ADCYAP1R1: variants seen among roughly 807,000 people sequenced by gnomAD.
ADCYAP1R1 encodes the protein ADCYAP receptor type I, also known as pituitary adenylate cyclase-activating polypeptide type I receptor.
Under a neutral mutation model 67.6 loss-of-function variants are expected in ADCYAP1R1, and 44 were observed. The ratio of observed to expected loss-of-function variants is 0.65; its 90% CI spans 0.51 to 0.84. ADCYAP1R1 has a LOEUF of 0.84. ADCYAP1R1 is among the 40% of genes least tolerant of loss of function. ADCYAP1R1 has a pLI of 0.00. For synonymous variants in ADCYAP1R1, 222 were observed against 219.6 expected (o/e 1.01, Z -0.10); for missense variants, 477 against 587.9 (o/e 0.81, Z 1.95).
rs1796826702 is a variant in ADCYAP1R1, at chr7:31,110,623, A to G, written c.*3939A>G. Reference sequence around the variant, plus strand: ...ATGCAGTACGCATGTAACCTTGCACAGGAGTGGGGCTCTGGTGACCGAAGG... The same window carrying G: ...ATGCAGTACGCATGTAACCTTGCACGGGAGTGGGGCTCTGGTGACCGAAGG... On this transcript the variant is annotated 3_prime_UTR_variant, in exon 16 of 16. Transcript: ENST00000304166. The G allele has an allele frequency of 6.5e-6, 1 of 152,776 alleles. No homozygotes were observed. Among genetic ancestry groups the G allele is most frequent in the Non-Finnish European group, 1.5e-5 (1 of 68,066 alleles). 9.5% of individuals were successfully genotyped at this position (152,776 alleles called of 1,614,324 possible). A position where few individuals can be genotyped will look rare whatever the true frequency, so the allele number is the denominator to read the frequency against.
chr7:31,071,373 C>T (rs1794971846), intron 3 of ADCYAP1R1, among the ~76,000 whole-genome samples: 1 of 152,204 alleles, frequency 6.6e-6, no homozygotes, highest in Non-Finnish European at 1.5e-5. Context: ...CCCCGACCCA[C>T]CCCTGGGCCT....
chr7:31,064,237 C>T (rs1451736902), intron 2 of ADCYAP1R1, among the ~76,000 whole-genome samples: 4 of 152,186 alleles, frequency 2.6e-5, no homozygotes, highest in African/African-American at 9.7e-5. Context: ...CTGCCGGGGG[C>T]ACTTTTTTCC....
chr7:31,085,522 A>T (rs1340025608), intron 9 of ADCYAP1R1, 80 bp downstream of exon 9: 1 of 1,472,902 alleles, frequency 6.8e-7, no homozygotes, highest in Non-Finnish European at 9.2e-7. Flanking sequence ...GACGCACATT[A>T]CCTGCCTGAC....
rs915478358 is a variant in ADCYAP1R1 at position 31,108,744 on chromosome 7, ATATGTGTGTG to A, written c.*2062_*2071del. The A allele has an allele frequency of 8.5e-6, 1 of 117,232 alleles. No individual in the cohort carries two copies. Among genetic ancestry groups the A allele is most frequent in the African/African-American group, 4.1e-5 (1 of 24,538 alleles). 7.3% of individuals were successfully genotyped at this position (117,232 alleles called of 1,614,324 possible). ...TGCCTCATATCAGGTTTTGATGAAT[ATATGTGTGTG>A]TGTGTGTGTGTGTGTGTGTGTGTGT... On this transcript the variant is annotated 3_prime_UTR_variant, in exon 16 of 16. Transcript: ENST00000304166.
At chr7:31,063,454 A>T in intron 2 of ADCYAP1R1, 139 bp downstream of exon 2, 1 of 869,224 alleles carries the variant, frequency 1.2e-6, no homozygotes, top group South Asian at 1.5e-5. Flanking sequence ...TGGGCCACCC[A>T]GTGCCTTTGT....
intron 3 of ADCYAP1R1, among the ~76,000 whole-genome samples, chr7:31,075,541 A>C (rs1025863820): frequency 2.0e-5 from 3 of 151,814 alleles, no homozygotes; most frequent in African/African-American, 7.3e-5. Flanking sequence ...CTCCATAAAT[A>C]TGGGTTCTCC....
chr7:31,083,927 T>G (rs1470778454), intron 6 of ADCYAP1R1, among the ~76,000 whole-genome samples: 1 of 152,218 alleles, frequency 6.6e-6, no homozygotes. Context: ...TGGATTCAGC[T>G]GGCGCAGTCT....
At chr7:31,101,869 C>A (rs1328542290) in intron 13 of ADCYAP1R1, among the ~76,000 whole-genome samples, 1 of 152,192 alleles carries the variant, frequency 6.6e-6, no homozygotes, top group African/African-American at 2.4e-5. Context: ...TAGCAGGAAC[C>A]TGCTCGGATC....
At chr7:31,099,746 G>A (rs912896937) in intron 13 of ADCYAP1R1, among the ~76,000 whole-genome samples, 11 of 152,236 alleles carry the variant, frequency 7.2e-5, no homozygotes, top group African/African-American at 1.2e-4. Context: ...CTCTCATCTT[G>A]TTGAGTGGGA....
Position 31,086,404 on chromosome 7 carries a change from G to C in ADCYAP1R1, c.690G>C (p.Met230Ile), listed in dbSNP as rs1430003944. Residue 230 changes from methionine to isoleucine, a missense_variant, in exon 10 of 16, where the codon ATG (methionine) becomes ATC (isoleucine). Met to Ile is a conservative substitution (Grantham distance 10, BLOSUM62 1). Transcript: ENST00000304166. This position sits in a 1 kb window ranked among gnomAD's most constrained non-coding sequence, Gnocchi z 5.0. ...TGCAGGTGGAATGTAAGGCCGTCAT[G>C]GTTTTCTTCCACTACTGTGTTGTGT... Reference protein sequence around the residue: ...FISTVECKAVMVFFHYCVVSN... With the variant: ...FISTVECKAVIVFFHYCVVSN... 6 of 1,614,168 alleles carry C rather than the reference G, an allele frequency of 3.7e-6. No individual in the cohort carries two copies. The South Asian group carries it at 6.6e-5, about 18-fold the overall frequency.
rs1031077007 is a variant in ADCYAP1R1, at chr7:31,107,675, A to G, written c.*991A>G. The stretch of plus-strand genomic sequence containing the variant: ...AGGATGTACCAGCCACCTGCCTCTG[A>G]TGTCGGCGAATCCTGAAGCACCTGC... On this transcript the variant is annotated 3_prime_UTR_variant, in exon 16 of 16. Coordinates refer to ENST00000304166, the MANE Select transcript of ADCYAP1R1 (RefSeq NM_001118.5). 3 of 152,146 alleles carry G rather than the reference A, an allele frequency of 2.0e-5. No homozygotes were observed. The highest frequency in any genetic ancestry group is 7.3e-5 in the African/African-American group (3 of 41,350). The allele number at this position is 152,146 out of a possible 1,614,324, so 9.4% of individuals were successfully genotyped here.
Position 31,083,017 on chromosome 7 carries a change from T to C in ADCYAP1R1, c.329-1124T>C, listed in dbSNP as rs191653726. 1.8e-4 allele frequency among the ~76,000 whole-genome samples: 27 copies of C among 152,396 alleles called. No individual in the cohort carries two copies. In the East Asian group the frequency reaches 5.0e-3, roughly 28 times the overall value. The stretch of plus-strand genomic sequence containing the variant: ...CCTGCTGCCCTCCTTGCCTCTTTCC[T>C]GAGCTCCCTGGAGGTGGCCTTGGCC... On this transcript the variant is annotated intron_variant, in intron 6 of 15. Coordinates refer to ENST00000304166, the MANE Select transcript of ADCYAP1R1 (RefSeq NM_001118.5).
At chr7:31,094,922 C>T (rs573364816) in intron 13 of ADCYAP1R1, among the ~76,000 whole-genome samples, 1 of 151,744 alleles carries the variant, frequency 6.6e-6, no homozygotes, top group South Asian at 2.1e-4. Context: ...GAAAGTCAAA[C>T]CTCTGCTAGT....
chr7:31,086,616 A>G lies in ADCYAP1R1; in HGVS notation c.823+79A>G. 6.5e-7 allele frequency: 1 copy of G among 1,550,214 alleles called. No individual in the cohort carries two copies. Among genetic ancestry groups the G allele is most frequent in the Non-Finnish European group, 8.8e-7 (1 of 1,134,788 alleles). On this transcript the variant is annotated intron_variant, in intron 10 of 15. Coordinates refer to ENST00000304166, the MANE Select transcript of ADCYAP1R1 (RefSeq NM_001118.5). This position sits in a 1 kb window ranked among gnomAD's most constrained non-coding sequence, Gnocchi z 5.0. ...CAGGTGTGTCTTTGGTTCCATCTTC[A>G]GGAAGTGTCAGGTGAGGAGGGGCCA...
chr7:31,063,272 G>C lies in ADCYAP1R1; in HGVS notation c.8G>C (p.Gly3Ala), dbSNP rs760549761. Residue 3 changes from glycine (G) to alanine (A), a missense_variant, in exon 2 of 16, where the codon GGT (glycine) becomes GCT (alanine). Coordinates refer to ENST00000304166, the MANE Select transcript of ADCYAP1R1 (RefSeq NM_001118.5). ...TGCTGGCCAAGAAGTGTCATGGCTG[G>C]TGTCGTGCACGTTTCCCTGGCTGCT... MAGVVHVSLAALL... is the reference protein window; with the variant it reads MAAVVHVSLAALL... 2 of 1,614,212 alleles carry C rather than the reference G, an allele frequency of 1.2e-6. No individual in the cohort carries two copies. Among genetic ancestry groups the C allele is most frequent in the Non-Finnish European group, 1.7e-6 (2 of 1,180,026 alleles).
chr7:31,067,328 G>A (rs1431099701), intron 3 of ADCYAP1R1, among the ~76,000 whole-genome samples: 1 of 152,188 alleles, frequency 6.6e-6, no homozygotes, highest in African/African-American at 2.4e-5. Context: ...CAGCCATTAG[G>A]TGGGAAAGAG....
chr7:31,088,768 C>T (rs973072586), intron 12 of ADCYAP1R1, among the ~76,000 whole-genome samples: 1 of 152,138 alleles, frequency 6.6e-6, no homozygotes, highest in African/African-American at 2.4e-5. Flanking sequence ...TTACTGTAAC[C>T]TTGTAGCATG....
chr7:31,079,973 A>G (rs916452740), intron 4 of ADCYAP1R1, among the ~76,000 whole-genome samples: 1 of 152,218 alleles, frequency 6.6e-6, no homozygotes, highest in African/African-American at 2.4e-5. Context: ...GTAGAAGCCA[A>G]CTTAATCACT....
intron 3 of ADCYAP1R1, among the ~76,000 whole-genome samples, chr7:31,067,247 C>T (rs1176570727): frequency 2.0e-5 from 3 of 152,184 alleles, no homozygotes; most frequent in Non-Finnish European, 2.9e-5. Flanking sequence ...TATCCCTACT[C>T]GTCCCCTCCC....
Sources: gnomAD v4.1 joint callset for allele counts (sites outside exome capture counted in the v4.1 genomes callset) on GRCh38, gnomAD v4.1.1 for gene constraint, Gnocchi (gnomAD v3.1) non-coding constraint, MANE v1.5 for transcripts, NCBI Gene and HGNC (gene_info 2026-07-23, HGNC 2026-07-21) for gene names.